Variants in GREM2 observed in about 807,000 individuals in gnomAD.
The protein encoded by GREM2 is gremlin-2.
GREM2 carries 11 observed loss-of-function variants against 14.2 expected under a neutral mutation model. The observed-to-expected ratio is 0.78, with a 90% CI of 0.49 to 1.28. The LOEUF (loss-of-function observed/expected upper bound fraction) is 1.28, where lower values mean the gene tolerates loss of function less well. Among genes scored for constraint, GREM2 ranks in the 50% most tolerant of loss-of-function variants. The probability of loss-of-function intolerance (pLI) is 0.00; values close to 1 mark genes in which losing one functional copy is unlikely to be tolerated. For missense variants in GREM2, 210 were observed against 218.5 expected (o/e 0.96, Z 0.24); for synonymous variants, 98 against 97.6 (o/e 1.00, Z -0.02).
chr1:240,586,023 C>T (rs934003641), intron 1 of GREM2, among the ~76,000 whole-genome samples: 2 of 149,012 alleles, frequency 1.3e-5, no homozygotes, highest in African/African-American at 5.0e-5. Flanking sequence ...TCAGAACCCA[C>T]GATAGAAAAA....
chr1:240,550,567 G>A (rs1306338360), intron 1 of GREM2, among the ~76,000 whole-genome samples: 1 of 152,110 alleles, frequency 6.6e-6, no homozygotes, highest in Non-Finnish European at 1.5e-5. Context: ...GGGAGTAGTG[G>A]GGAAACTGAA....
chr1:240,568,412 A>G (rs1679203936), intron 1 of GREM2, among the ~76,000 whole-genome samples: 1 of 152,182 alleles, frequency 6.6e-6, no homozygotes, highest in Non-Finnish European at 1.5e-5. Context: ...AAAATGAAGT[A>G]AAGTGGAACA....
chr1:240,598,130 G>A (rs1396494408), intron 1 of GREM2, among the ~76,000 whole-genome samples: 1 of 152,118 alleles, frequency 6.6e-6, no homozygotes, highest in Non-Finnish European at 1.5e-5. Flanking sequence ...GAATTTTACT[G>A]CCATCAAGAA....
intron 1 of GREM2, among the ~76,000 whole-genome samples, chr1:240,605,236 C>T (rs942510748): frequency 2.6e-5 from 4 of 152,046 alleles, no homozygotes; most frequent in African/African-American, 9.7e-5. Flanking sequence ...GTAAAAATGG[C>T]CTTACTAAAT....
intron 1 of GREM2, among the ~76,000 whole-genome samples, chr1:240,603,133 C>A (rs369103459): frequency 1.1e-3 from 163 of 152,130 alleles, no homozygotes; most frequent in African/African-American, 3.6e-3. Context: ...CGGTGCGGTG[C>A]GGAGCTATCA....
chr1:240,602,600 C>T (rs1679945321), intron 1 of GREM2, among the ~76,000 whole-genome samples: 1 of 152,046 alleles, frequency 6.6e-6, no homozygotes, highest in South Asian at 2.1e-4. Context: ...AGGAGGATCA[C>T]GAGGTCAAGA....
intron 1 of GREM2, among the ~76,000 whole-genome samples, chr1:240,561,372 T>A (rs1403774170): frequency 6.6e-6 from 1 of 152,122 alleles, no homozygotes; most frequent in African/African-American, 2.4e-5. Flanking sequence ...GTGTGGTAAG[T>A]TTGAACAGAG....
chr1:240,579,910 C>G (rs1184875432), intron 1 of GREM2, among the ~76,000 whole-genome samples: 1 of 152,202 alleles, frequency 6.6e-6, no homozygotes, highest in African/African-American at 2.4e-5. Flanking sequence ...GATTCTGTTT[C>G]TACCTTGGGC....
chr1:240,568,759 T>C (rs72752865), intron 1 of GREM2, among the ~76,000 whole-genome samples: 4,015 of 152,294 alleles, frequency 0.026, 74 homozygotes, highest in Middle Eastern at 0.051. Flanking sequence ...TAATTGTCTA[T>C]GCAGAAAATC....
In GREM2 at chr1:240,611,982, C is replaced by A. The variant is rs765110101; in HGVS notation, c.-100G>T. On this transcript the variant is annotated 5_prime_UTR_variant, in exon 1 of 2. It removes the in-frame stop codon of an upstream open reading frame in the 5' UTR. Coordinates refer to ENST00000318160, the MANE Select transcript of GREM2 (RefSeq NM_022469.4). ...TGAGTTCTCTAGTCCACAGCGGGGT[C>A]TAAGTTTGGTCTCCCGCCGCCGCTT... The A allele has an allele frequency of 2.6e-5, 4 of 152,804 alleles. No individual in the cohort carries two copies. Among genetic ancestry groups the A allele is most frequent in the Non-Finnish European group, 5.9e-5 (4 of 68,184 alleles). The allele number at this position is 152,804 out of a possible 1,614,324, so 9.5% of individuals were successfully genotyped here.
rs1678613000 is a variant in GREM2, at chr1:240,542,459, A to G, written c.-1-48983T>C. Among the ~76,000 whole-genome samples, 1 of 151,088 alleles carries G rather than the reference A, an allele frequency of 6.6e-6. No individual in the cohort carries two copies. The highest frequency in any genetic ancestry group is 1.5e-5 in the Non-Finnish European group (1 of 67,798). The stretch of plus-strand genomic sequence containing the variant: ...CATCTCTACTAAAAAAAAAAAAAAA[A>G]AAAAAATTAGCTGGGTGTGGTGGTG... On this transcript the variant is annotated intron_variant, in intron 1 of 1. Transcript: ENST00000318160. This position sits in a 1 kb window ranked among gnomAD's most constrained non-coding sequence, Gnocchi z 4.1.
chr1:240,578,638 A>G (rs1286586573), intron 1 of GREM2, among the ~76,000 whole-genome samples: 1 of 151,890 alleles, frequency 6.6e-6, no homozygotes, highest in African/African-American at 2.4e-5. Flanking sequence ...TACAAAAATT[A>G]GCCAAGTGTG....
chr1:240,520,734 G>C (rs917792400), intron 1 of GREM2, among the ~76,000 whole-genome samples: 2 of 151,868 alleles, frequency 1.3e-5, no homozygotes, highest in African/African-American at 4.8e-5. Flanking sequence ...GTAGAGACGA[G>C]ATTTCACCAT....
chr1:240,575,503 C>A lies in GREM2; in HGVS notation c.-2+36381G>T, dbSNP rs1679350457. ...TTCCAAATACCACTGTAGCAAGATT[C>A]ACTTTTTAATTTTAATTTTAATTTT... is the stretch of plus-strand genomic sequence containing the variant. On this transcript the variant is annotated intron_variant, in intron 1 of 1. Coordinates refer to ENST00000318160, the MANE Select transcript of GREM2 (RefSeq NM_022469.4). Among the ~76,000 whole-genome samples, 5 of 150,832 alleles carry A rather than the reference C, an allele frequency of 3.3e-5. No individual in the cohort carries two copies. The South Asian group carries it at 1.1e-3, about 32-fold the overall frequency.
At chr1:240,554,683 A>G (rs1236668969) in intron 1 of GREM2, among the ~76,000 whole-genome samples, 2 of 152,238 alleles carry the variant, frequency 1.3e-5, no homozygotes, top group Non-Finnish European at 2.9e-5. Flanking sequence ...CAGAACTGAG[A>G]TTAAATTTCA....
chr1:240,606,835 T>C (rs187192206), intron 1 of GREM2, among the ~76,000 whole-genome samples: 1 of 151,982 alleles, frequency 6.6e-6, no homozygotes, highest in East Asian at 1.9e-4. Context: ...TGCACCACCA[T>C]GCCCGGCTAA....
intron 1 of GREM2, among the ~76,000 whole-genome samples, chr1:240,570,931 TAGGC>T (rs1326823168): frequency 1.3e-5 from 2 of 152,214 alleles, no homozygotes; most frequent in Admixed American, 6.5e-5. Flanking sequence ...CTCTGTGACT[TAGGC>T]AGGAACAGTG....
chr1:240,519,019 C>CAT (rs1383325442), intron 1 of GREM2, among the ~76,000 whole-genome samples: 97 of 152,230 alleles, frequency 6.4e-4, no homozygotes, highest in African/African-American at 2.2e-3. Context: ...ATTACACACA[C>CAT]ACATACATAC....
At chr1:240,525,604 G>A (rs185941770) in intron 1 of GREM2, among the ~76,000 whole-genome samples, 166 of 152,070 alleles carry the variant, frequency 1.1e-3, no homozygotes, top group African/African-American at 3.9e-3. Context: ...TCAGCCTCCC[G>A]AGTAGTTGGG....
Sources: gnomAD v4.1 joint callset for allele counts (sites outside exome capture counted in the v4.1 genomes callset) on GRCh38, gnomAD v4.1.1 for gene constraint, Gnocchi (gnomAD v3.1) non-coding constraint, MANE v1.5 for transcripts, NCBI Gene and HGNC (gene_info 2026-07-23, HGNC 2026-07-21) for gene names.